ROBO1: variants seen among roughly 807,000 people sequenced by gnomAD.
The protein encoded by ROBO1 is roundabout homolog 1.
ROBO1 carries 149 observed loss-of-function variants against 195.9 expected under a neutral mutation model. The observed-to-expected ratio is 0.76, with a 90% CI of 0.67 to 0.87. The LOEUF (loss-of-function observed/expected upper bound fraction) is 0.87, where lower values mean the gene tolerates loss of function less well. Ranked by LOEUF, ROBO1 falls within the 40% of genes least tolerant of loss-of-function variation. The probability of loss-of-function intolerance (pLI) is 0.00; values close to 1 mark genes in which losing one functional copy is unlikely to be tolerated. For missense variants in ROBO1, 1,933 were observed against 2,068.3 expected (o/e 0.93, Z 1.27); for synonymous variants, 816 against 733.2 (o/e 1.11, Z -1.82).
chr3:79,619,166 T>C (rs2107966744), intron 1 of ROBO1, among the ~76,000 whole-genome samples: 1 of 152,320 alleles, frequency 6.6e-6, no homozygotes, highest in East Asian at 1.9e-4. Flanking sequence ...CAGGGATGCC[T>C]GCCTTGGTCA....
At chr3:78,988,394 G>C (rs888762354) in intron 3 of ROBO1, among the ~76,000 whole-genome samples, 4 of 152,110 alleles carry the variant, frequency 2.6e-5, no homozygotes, top group Non-Finnish European at 5.9e-5. Context: ...TATGAAGATG[G>C]AAAAAGAATA....
intron 4 of ROBO1, among the ~76,000 whole-genome samples, chr3:78,871,562 T>C (rs368053812): frequency 5.4e-4 from 82 of 152,242 alleles, no homozygotes; most frequent in African/African-American, 1.7e-3. Flanking sequence ...CATTTTACTA[T>C]GGATCTGATA....
At chr3:79,038,652 T>C (rs2078425316) in intron 3 of ROBO1, among the ~76,000 whole-genome samples, 1 of 151,258 alleles carries the variant, frequency 6.6e-6, no homozygotes, top group Admixed American at 6.6e-5. Context: ...ATTCCTACAA[T>C]GATTTTAAAA....
At position 78,901,564 on chromosome 3, in the gene ROBO1, T is replaced by C. The variant is rs1317727787; in HGVS notation, c.499+37037A>G. Among the ~76,000 whole-genome samples the C allele has an allele frequency of 2.6e-5, 4 of 152,198 alleles. No homozygotes were observed. In the East Asian group the frequency reaches 7.7e-4, roughly 29 times the overall value. On this transcript the variant is annotated intron_variant, in intron 4 of 30. Transcript: ENST00000464233. ...AATAATGCCATTTATTTTAAAATGCTCTTTTAAATTGTCAGAAAGCTTTTA... is the reference window on the plus strand; with the variant it reads ...AATAATGCCATTTATTTTAAAATGCCCTTTTAAATTGTCAGAAAGCTTTTA...
chr3:78,816,377 T>C (rs143656298), intron 4 of ROBO1, among the ~76,000 whole-genome samples: 2 of 143,610 alleles, frequency 1.4e-5, no homozygotes, highest in African/African-American at 5.1e-5. Flanking sequence ...AGAACTCTGA[T>C]GGAGAAGTAC....
At chr3:79,056,983 T>C (rs746523831) in intron 3 of ROBO1, among the ~76,000 whole-genome samples, 28 of 152,092 alleles carry the variant, frequency 1.8e-4, no homozygotes, top group Non-Finnish European at 3.4e-4. Flanking sequence ...CGGCTCGAAG[T>C]TCAAGCCGCC....
chr3:78,937,710 G>A (rs2039887578), intron 4 of ROBO1, among the ~76,000 whole-genome samples: 1 of 152,136 alleles, frequency 6.6e-6, no homozygotes, highest in African/African-American at 2.4e-5. Flanking sequence ...TGGTGCTAGT[G>A]TAAATAAACT....
intron 1 of ROBO1, among the ~76,000 whole-genome samples, chr3:79,606,543 G>T (rs969572879): frequency 2.6e-5 from 4 of 151,886 alleles, no homozygotes; most frequent in African/African-American, 9.7e-5. Flanking sequence ...CTTCTGAGTA[G>T]CTGGCACTAC....
intron 2 of ROBO1, among the ~76,000 whole-genome samples, chr3:79,463,402 A>C (rs969850042): frequency 1.6e-4 from 24 of 151,616 alleles, no homozygotes; most frequent in Non-Finnish European, 2.6e-4. Context: ...CAAAAAACAA[A>C]AAACAAAAAA....
At chr3:79,502,052 G>A (rs1185399727) in intron 2 of ROBO1, among the ~76,000 whole-genome samples, 1 of 152,220 alleles carries the variant, frequency 6.6e-6, no homozygotes, top group African/African-American at 2.4e-5. Context: ...AATGAGGCTA[G>A]CAAAGCCCAC....
intron 3 of ROBO1, among the ~76,000 whole-genome samples, chr3:78,992,967 T>C (rs2077272782): frequency 6.6e-6 from 1 of 152,124 alleles, no homozygotes; most frequent in Non-Finnish European, 1.5e-5. Flanking sequence ...CGAATACATA[T>C]ATCTAGTTGG....
chr3:79,515,704 T>A (rs1341794120), intron 2 of ROBO1, among the ~76,000 whole-genome samples: 1 of 152,204 alleles, frequency 6.6e-6, no homozygotes. Flanking sequence ...CAATATTGAT[T>A]TGACTGAAAC....
At chr3:79,731,716 C>T (rs1435536978) in intron 1 of ROBO1, among the ~76,000 whole-genome samples, 1 of 152,088 alleles carries the variant, frequency 6.6e-6, no homozygotes, top group Non-Finnish European at 1.5e-5. Flanking sequence ...GAATATAATA[C>T]AGATGAAGCC....
At chr3:79,352,813 T>C (rs1408401705) in intron 2 of ROBO1, among the ~76,000 whole-genome samples, 1 of 152,172 alleles carries the variant, frequency 6.6e-6, no homozygotes, top group Admixed American at 6.5e-5. Context: ...TTACTTACTA[T>C]TGTATACATT....
chr3:79,720,661 G>T (rs1474670447), intron 1 of ROBO1, among the ~76,000 whole-genome samples: 1 of 152,136 alleles, frequency 6.6e-6, no homozygotes, highest in African/African-American at 2.4e-5. Flanking sequence ...CATAAAGTAT[G>T]CTCAAGATTT....
intron 1 of ROBO1, among the ~76,000 whole-genome samples, chr3:79,676,089 C>T (rs933317539): frequency 6.6e-6 from 1 of 151,802 alleles, no homozygotes; most frequent in Non-Finnish European, 1.5e-5. Context: ...TTTTACGGAG[C>T]CTTAGCCACG....
At chr3:79,670,508 T>G (rs1046636146) in intron 1 of ROBO1, among the ~76,000 whole-genome samples, 5 of 151,852 alleles carry the variant, frequency 3.3e-5, no homozygotes, top group Admixed American at 3.3e-4. Flanking sequence ...TACTCTAAAC[T>G]TTACCTTTAA....
intron 2 of ROBO1, among the ~76,000 whole-genome samples, chr3:79,264,747 A>G (rs941150036): frequency 6.6e-6 from 1 of 151,936 alleles, no homozygotes; most frequent in African/African-American, 2.4e-5. Context: ...CTTCATATAC[A>G]AGGCATTGAA....
At chr3:78,804,304 A>AT (rs1255569572) in intron 4 of ROBO1, among the ~76,000 whole-genome samples, 5 of 151,428 alleles carry the variant, frequency 3.3e-5, no homozygotes, top group South Asian at 2.1e-4. Context: ...AAATGCTCTG[A>AT]TTTTTTTTTC....
Sources: allele counts gnomAD v4.1 joint callset (sites outside exome capture counted in the v4.1 genomes callset), GRCh38; gene constraint gnomAD v4.1.1; transcripts MANE v1.5; gene names NCBI Gene and HGNC (gene_info 2026-07-23, HGNC 2026-07-21).